Variants in FAM13C observed in about 807,000 individuals in gnomAD.
FAM13C encodes family with sequence similarity 13 member C, also known as protein FAM13C.
In FAM13C, 37 loss-of-function variants were observed where a neutral mutation model predicts 73.2. The ratio of observed to expected loss-of-function variants is 0.51; its 90% confidence interval spans 0.39 to 0.67. The LOEUF (loss-of-function observed/expected upper bound fraction) is 0.67, where lower values mean the gene tolerates loss of function less well. Ranked by LOEUF, FAM13C falls within the 30% of genes least tolerant of loss-of-function variation. The pLI, the probability that FAM13C is intolerant of heterozygous loss-of-function variation, is 0.00. For synonymous variants in FAM13C, 246 were observed against 260.9 expected (o/e 0.94, Z 0.55); for missense variants, 589 against 715.6 (o/e 0.82, Z 2.02).
chr10:59,310,266 T>C (rs946715476), intron 4 of FAM13C, among the ~76,000 whole-genome samples: 1 of 152,182 alleles, frequency 6.6e-6, no homozygotes, highest in Non-Finnish European at 1.5e-5. Flanking sequence ...GGATGACTGC[T>C]GGCTGGCTGT....
At chr10:59,271,657 G>T (rs1173949578) in intron 6 of FAM13C, among the ~76,000 whole-genome samples, 4 of 152,204 alleles carry the variant, frequency 2.6e-5, no homozygotes, top group African/African-American at 9.7e-5. Context: ...GCCCTCAGGA[G>T]TAACAGGAAT....
chr10:59,283,682 A>C (rs1845204626), intron 5 of FAM13C: 1 of 601,684 alleles, frequency 1.7e-6, no homozygotes, highest in Middle Eastern at 4.3e-4. Flanking sequence ...ATCATTCCAC[A>C]TGCAGGCTGA....
chr10:59,262,694 C>G, intron 9 of FAM13C, 49 bp from the exon 10 acceptor site: 6 of 1,492,462 alleles, frequency 4.0e-6, no homozygotes, highest in South Asian at 1.2e-5. Context: ...CCCACTAGTT[C>G]TAAGAATGGA....
chr10:59,358,702 T>A (rs1856019377), intron 1 of FAM13C, among the ~76,000 whole-genome samples: 1 of 152,206 alleles, frequency 6.6e-6, no homozygotes, highest in Admixed American at 6.5e-5. Context: ...TTTTTCCCCC[T>A]CATTTGATTT....
intron 8 of FAM13C, among the ~76,000 whole-genome samples, chr10:59,267,846 G>T (rs1330731600): frequency 4.6e-5 from 7 of 152,174 alleles, no homozygotes; most frequent in Admixed American, 3.9e-4. Context: ...TCTTTGTCCA[G>T]TTCTCTGTGG....
upstream of FAM13C, chr10:59,362,809 C>A (rs1856564061): frequency 2.9e-6 from 1 of 343,326 alleles, no homozygotes. Context: ...GCCAGCCACC[C>A]CCCGAGGCTG....
chr10:59,258,491 T>A (rs941082544), intron 10 of FAM13C, among the ~76,000 whole-genome samples: 2 of 151,944 alleles, frequency 1.3e-5, no homozygotes, highest in African/African-American at 4.8e-5. Context: ...TCTAAAAAAT[T>A]TAAAATAAAA....
chr10:59,272,911 G>C (rs1266322883), intron 6 of FAM13C, among the ~76,000 whole-genome samples: 1 of 152,146 alleles, frequency 6.6e-6, no homozygotes, highest in African/African-American at 2.4e-5. Flanking sequence ...TATAGAGAGA[G>C]CTTTGATAAA....
chr10:59,284,907 C>T (rs1845381841), intron 5 of FAM13C, among the ~76,000 whole-genome samples: 1 of 152,028 alleles, frequency 6.6e-6, no homozygotes, highest in African/African-American at 2.4e-5. Context: ...GCTCCATACA[C>T]ACCTTCACAC....
chr10:59,333,043 T>C (rs1589655516), intron 3 of FAM13C, among the ~76,000 whole-genome samples: 1 of 152,032 alleles, frequency 6.6e-6, no homozygotes, highest in Admixed American at 6.6e-5. Flanking sequence ...CTTGCTATGT[T>C]GCCTAGGCTG....
chr10:59,308,503 A>T (rs1470872930), intron 4 of FAM13C, among the ~76,000 whole-genome samples: 1 of 149,410 alleles, frequency 6.7e-6, no homozygotes, highest in East Asian at 2.0e-4. Context: ...TGCCACCACC[A>T]CTGCCACCAC....
chr10:59,277,731 T>C (rs969847306), intron 6 of FAM13C, among the ~76,000 whole-genome samples: 8 of 152,026 alleles, frequency 5.3e-5, no homozygotes, highest in African/African-American at 1.9e-4. Flanking sequence ...ATATAGAGAG[T>C]ATATAGACCA....
chr10:59,290,703 T>A (rs536073248), intron 5 of FAM13C, among the ~76,000 whole-genome samples: 1 of 152,170 alleles, frequency 6.6e-6, no homozygotes, highest in Non-Finnish European at 1.5e-5. Context: ...CTCGCCACAT[T>A]ATGTAATTTT....
upstream of FAM13C, chr10:59,362,662 G>A: frequency 1.6e-6 from 2 of 1,248,974 alleles, no homozygotes; most frequent in Non-Finnish European, 1.1e-6. Flanking sequence ...GGCAGCCCGC[G>A]AGGCTGCGGG....
At chr10:59,284,918 C>T (rs551689902) in intron 5 of FAM13C, among the ~76,000 whole-genome samples, 2 of 152,112 alleles carry the variant, frequency 1.3e-5, no homozygotes, top group African/African-American at 4.8e-5. Flanking sequence ...ACCTTCACAC[C>T]TCTCCTCACA....
At chr10:59,248,350 T>C (rs998650403) in intron 13 of FAM13C, among the ~76,000 whole-genome samples, 2 of 152,222 alleles carry the variant, frequency 1.3e-5, no homozygotes, top group African/African-American at 4.8e-5. Flanking sequence ...GGTTCTCTTC[T>C]GTACACTAAT....
At chr10:59,357,950 G>T (rs1855921275) in intron 1 of FAM13C, among the ~76,000 whole-genome samples, 2 of 152,176 alleles carry the variant, frequency 1.3e-5, no homozygotes, top group South Asian at 2.1e-4. Context: ...ACTGGCAATG[G>T]TGTATAATTA....
chr10:59,286,516 A>AATATATATATATATATATATATATATAT (rs1159774665), intron 5 of FAM13C, among the ~76,000 whole-genome samples: 80 of 110,902 alleles, frequency 7.2e-4, no homozygotes, highest in African/African-American at 1.1e-3. Flanking sequence ...CTCCATCTCA[A>AATATATATATATATATATATATATATAT]ATATATATAT....
At chr10:59,311,903 C>T (rs1266288186) in intron 4 of FAM13C, among the ~76,000 whole-genome samples, 2 of 152,168 alleles carry the variant, frequency 1.3e-5, no homozygotes, top group African/African-American at 2.4e-5. Context: ...GATCCTGCTT[C>T]CTGGGACCAC....
Sources: gnomAD v4.1 joint callset for allele counts (sites outside exome capture counted in the v4.1 genomes callset) on GRCh38, gnomAD v4.1.1 for gene constraint, MANE v1.5 for transcripts, NCBI Gene and HGNC (gene_info 2026-07-23, HGNC 2026-07-21) for gene names.